TNIK: variants seen among roughly 807,000 people sequenced by gnomAD.
The protein encoded by TNIK is TRAF2 and NCK-interacting protein kinase.
A neutral mutation model predicts 191.3 loss-of-function variants in TNIK; 49 were observed. The ratio of observed to expected loss-of-function variants is 0.26; its 90% confidence interval spans 0.20 to 0.32. The LOEUF (loss-of-function observed/expected upper bound fraction) is 0.32, where lower values mean the gene tolerates loss of function less well. Ranked by LOEUF, TNIK falls within the 10% of genes least tolerant of loss-of-function variation. TNIK has a pLI of 1.00. For synonymous variants in TNIK, 594 were observed against 600.9 expected (o/e 0.99, Z 0.17); for missense variants, 1,155 against 1,702.3 (o/e 0.68, Z 5.66).
intron 1 of TNIK, among the ~76,000 whole-genome samples, chr3:171,396,726 G>C (rs1720297942): frequency 6.6e-6 from 1 of 152,170 alleles, no homozygotes; most frequent in African/African-American, 2.4e-5. Context: ...GTTAAAGAAA[G>C]CCAGTAGCAA....
At chr3:171,303,864 G>A (rs1753137898) in intron 2 of TNIK, among the ~76,000 whole-genome samples, 1 of 152,144 alleles carries the variant, frequency 6.6e-6, no homozygotes, top group South Asian at 2.1e-4. Flanking sequence ...TCAGAGGAAG[G>A]CAACACCAGG....
At chr3:171,287,553 G>A (rs1751155742) in intron 2 of TNIK, among the ~76,000 whole-genome samples, 1 of 152,176 alleles carries the variant, frequency 6.6e-6, no homozygotes, top group African/African-American at 2.4e-5. Context: ...TATGTGTTAT[G>A]AATAATCTAG....
chr3:171,309,658 C>T (rs1210094186), intron 2 of TNIK, among the ~76,000 whole-genome samples: 1 of 152,080 alleles, frequency 6.6e-6, no homozygotes, highest in Non-Finnish European at 1.5e-5. Context: ...TTCTTGAAGT[C>T]CTCAGTAACT....
intron 1 of TNIK, among the ~76,000 whole-genome samples, chr3:171,372,520 C>T (rs770404867): frequency 6.6e-6 from 1 of 152,180 alleles, no homozygotes; most frequent in Non-Finnish European, 1.5e-5. Context: ...GTAGTGGTAA[C>T]AAAAACTTCA....
chr3:171,414,945 A>T (rs1267011367), intron 1 of TNIK, among the ~76,000 whole-genome samples: 1 of 152,204 alleles, frequency 6.6e-6, no homozygotes, highest in Non-Finnish European at 1.5e-5. Flanking sequence ...AGTACACAGC[A>T]TCAGCCTGCT....
intron 2 of TNIK, among the ~76,000 whole-genome samples, chr3:171,266,376 TAA>T (rs1469875182): frequency 3.3e-5 from 5 of 152,266 alleles, no homozygotes; most frequent in East Asian, 3.9e-4. Flanking sequence ...GTCTAATACA[TAA>T]GAGTGGGAAA....
intron 22 of TNIK, among the ~76,000 whole-genome samples, chr3:171,097,161 G>A (rs1404829118): frequency 6.6e-6 from 1 of 152,126 alleles, no homozygotes; most frequent in Non-Finnish European, 1.5e-5. Context: ...AAGCTCCCAG[G>A]AAAGAATGTT....
intron 2 of TNIK, among the ~76,000 whole-genome samples, chr3:171,236,966 A>T (rs1452204625): frequency 6.6e-6 from 1 of 152,222 alleles, no homozygotes; most frequent in East Asian, 1.9e-4. Context: ...AATAATAAAA[A>T]GGCAATGCTG....
At chr3:171,395,772 C>T (rs1469032774) in intron 1 of TNIK, among the ~76,000 whole-genome samples, 1 of 152,132 alleles carries the variant, frequency 6.6e-6, no homozygotes, top group East Asian at 1.9e-4. Context: ...GAGTGAACAT[C>T]CGTGTACCCA....
intron 2 of TNIK, among the ~76,000 whole-genome samples, chr3:171,289,152 A>G (rs1010387896): frequency 5.9e-5 from 9 of 152,208 alleles, no homozygotes; most frequent in African/African-American, 1.9e-4. Context: ...AGTGGGGGTA[A>G]GAATGAAAAA....
chr3:171,399,754 G>A (rs1417879788), intron 1 of TNIK, among the ~76,000 whole-genome samples: 1 of 152,130 alleles, frequency 6.6e-6, no homozygotes, highest in East Asian at 1.9e-4. Context: ...AAGAAGACTG[G>A]AAGAAAATAT....
intron 7 of TNIK, among the ~76,000 whole-genome samples, chr3:171,177,806 T>C (rs936710218): frequency 6.6e-6 from 1 of 152,166 alleles, no homozygotes; most frequent in Non-Finnish European, 1.5e-5. Flanking sequence ...ACAGTAAACA[T>C]ACCCATCATC....
chr3:171,139,376 G>GCACACACACACACA (rs1271020696), intron 14 of TNIK, 94 bp downstream of exon 14: 28 of 532,082 alleles, frequency 5.3e-5, no homozygotes, highest in East Asian at 3.7e-4. Flanking sequence ...ACACGCACGC[G>GCACACACACACACA]CGCACACACA....
chr3:171,333,752 A>G (rs1756661241), intron 2 of TNIK, among the ~76,000 whole-genome samples: 2 of 152,112 alleles, frequency 1.3e-5, no homozygotes, highest in African/African-American at 4.8e-5. Context: ...ATCCTACTAC[A>G]AGGTCTTTCA....
intron 2 of TNIK, among the ~76,000 whole-genome samples, chr3:171,345,393 T>G (rs1711996223): frequency 6.6e-6 from 1 of 152,158 alleles, no homozygotes; most frequent in African/African-American, 2.4e-5. Context: ...AGGCTGCCAC[T>G]TGACAAAGAG....
intron 2 of TNIK, among the ~76,000 whole-genome samples, chr3:171,249,127 C>T (rs1303028212): frequency 6.6e-6 from 1 of 152,208 alleles, no homozygotes; most frequent in East Asian, 1.9e-4. Context: ...ATTATAGAAA[C>T]ATTAAAAGTA....
At chr3:171,244,061 T>TTTG (rs1491407494) in intron 2 of TNIK, among the ~76,000 whole-genome samples, 1 of 34,296 alleles carries the variant, frequency 2.9e-5, no homozygotes, top group Non-Finnish European at 5.5e-5. Context: ...ACAGAAATAG[T>TTTG]TTTTTTTTTT....
intron 2 of TNIK, among the ~76,000 whole-genome samples, chr3:171,341,147 G>A (rs1757462281): frequency 6.6e-6 from 1 of 152,110 alleles, no homozygotes; most frequent in African/African-American, 2.4e-5. Flanking sequence ...ACAAGTACCT[G>A]TATCAAATCC....
At chr3:171,282,333 G>GTTTTTTTTTTTTTTTTTT (rs1750524373) in intron 2 of TNIK, among the ~76,000 whole-genome samples, 1 of 109,632 alleles carries the variant, frequency 9.1e-6, no homozygotes, top group Non-Finnish European at 1.9e-5. Context: ...TTCTCTTAAT[G>GTTTTTTTTTTTTTTTTTT]GTTTTTTGTT....
Sources: gnomAD v4.1 joint callset for allele counts (sites outside exome capture counted in the v4.1 genomes callset) on GRCh38, gnomAD v4.1.1 for gene constraint, MANE v1.5 for transcripts, NCBI Gene and HGNC (gene_info 2026-07-23, HGNC 2026-07-21) for gene names.